RFWD3: variants seen among roughly 807,000 people sequenced by gnomAD.
RFWD3 encodes the protein ring finger and WD repeat domain 3.
Under a neutral mutation model 87.7 loss-of-function variants are expected in RFWD3, and 65 were observed. The ratio of observed to expected loss-of-function variants is 0.74; its 90% CI spans 0.61 to 0.91. RFWD3 has a LOEUF of 0.91. Among genes scored for constraint, RFWD3 ranks in the 40% least tolerant of loss-of-function variants. The pLI, the probability that RFWD3 is intolerant of heterozygous loss-of-function variation, is 0.00. For missense variants in RFWD3, 1,078 were observed against 938.5 expected, an observed-to-expected ratio of 1.15 and a Z score of -1.94; for synonymous variants, 433 against 352.8, an observed-to-expected ratio of 1.23 and a Z score of -2.55.
At chr16:74,645,975 C>G (rs1960108077) in intron 4 of RFWD3, among the ~76,000 whole-genome samples, 3 of 150,928 alleles carry the variant, frequency 2.0e-5, no homozygotes, top group South Asian at 4.2e-4. Context: ...GTCTCGATCT[C>G]CTGACCTCGC....
intron 2 of RFWD3, 58 bp downstream of exon 2, chr16:74,660,874 T>C: frequency 1.3e-6 from 2 of 1,534,048 alleles, no homozygotes; most frequent in South Asian, 1.3e-5. Context: ...TGGCAGAGCC[T>C]CAGTTTCATA....
At position 74,621,506 on chromosome 16, in the gene RFWD3, G is replaced by C. The variant is rs1958766476; in HGVS notation, c.*2422C>G. Reference sequence around the variant, plus strand: ...GGCCCTGTTTTCAAAGCAGGGGCAAGAATACATACAATGACAAGACATTTT... The same window carrying C: ...GGCCCTGTTTTCAAAGCAGGGGCAACAATACATACAATGACAAGACATTTT... On this transcript the variant is annotated 3_prime_UTR_variant, in exon 13 of 13. Coordinates refer to ENST00000361070, the MANE Select transcript of RFWD3 (RefSeq NM_018124.4). 1 of 152,070 alleles carries C rather than the reference G, an allele frequency of 6.6e-6. No homozygotes were observed. The highest frequency in any genetic ancestry group is 1.5e-5 in the Non-Finnish European group (1 of 68,022). The allele number at this position is 152,070 out of a possible 1,614,324, so 9.4% of individuals were successfully genotyped here. A position where few individuals can be genotyped will look rare whatever the true frequency, so the allele number is the denominator to read the frequency against.
At chr16:74,654,444 GAACTT>G (rs1960812057) in intron 2 of RFWD3, among the ~76,000 whole-genome samples, 1 of 152,148 alleles carries the variant, frequency 6.6e-6, no homozygotes, top group South Asian at 2.1e-4. Context: ...ATAAGATGGT[GAACTT>G]AATCAGTAAA....
At chr16:74,635,878 G>T (rs778085578) in intron 8 of RFWD3, among the ~76,000 whole-genome samples, 12 of 152,290 alleles carry the variant, frequency 7.9e-5, no homozygotes, top group Admixed American at 1.3e-4. Context: ...AAAACATGTT[G>T]AGAGAAAATT....
chr16:74,648,167 C>T (rs1445499062), intron 4 of RFWD3, among the ~76,000 whole-genome samples: 1 of 152,032 alleles, frequency 6.6e-6, no homozygotes, highest in African/African-American at 2.4e-5. Context: ...TGATACTTAA[C>T]CTTGTTGGCT....
At chr16:74,660,312 G>A (rs991104731) in intron 2 of RFWD3, among the ~76,000 whole-genome samples, 7 of 152,146 alleles carry the variant, frequency 4.6e-5, no homozygotes, top group African/African-American at 1.7e-4. Flanking sequence ...AATTAGTTAG[G>A]TGTGGTGGCA....
chr16:74,633,401 A>G (rs1959165552), intron 8 of RFWD3, among the ~76,000 whole-genome samples: 1 of 152,160 alleles, frequency 6.6e-6, no homozygotes, highest in Non-Finnish European at 1.5e-5. Flanking sequence ...AAATGGATAA[A>G]CAAACCTACT....
intron 6 of RFWD3, among the ~76,000 whole-genome samples, chr16:74,641,749 C>A (rs1211965015): frequency 6.6e-6 from 1 of 151,360 alleles, no homozygotes; most frequent in African/African-American, 2.4e-5. Context: ...ACGGTGAAAC[C>A]CTGTCTCTAC....
intron 1 of RFWD3, among the ~76,000 whole-genome samples, chr16:74,662,361 G>A (rs1486891191): frequency 6.6e-6 from 1 of 152,072 alleles, no homozygotes; most frequent in Admixed American, 6.6e-5. Flanking sequence ...TGAGGAAATG[G>A]GGGTTCAACT....
At chr16:74,636,319 T>C (rs573094807) in intron 8 of RFWD3, 27 bp downstream of exon 8, 6 of 1,591,614 alleles carry the variant, frequency 3.8e-6, no homozygotes, top group East Asian at 2.2e-5. Context: ...ATAAAGAACA[T>C]GAAAGCTGAG....
intron 6 of RFWD3, among the ~76,000 whole-genome samples, chr16:74,639,070 A>C: frequency 7.5e-6 from 1 of 133,286 alleles, no homozygotes; most frequent in African/African-American, 2.9e-5. Flanking sequence ...CCCGAGTCTC[A>C]CTCCATTGCC....
intron 6 of RFWD3, chr16:74,644,078 C>T (rs1009643186): frequency 1.7e-5 from 8 of 475,194 alleles, no homozygotes; most frequent in South Asian, 4.9e-5. Flanking sequence ...ACTGCTGTGG[C>T]GGGGGGTGGT....
At chr16:74,625,215 T>C (rs117340540) in intron 12 of RFWD3, among the ~76,000 whole-genome samples, 2,963 of 90,742 alleles carry the variant, frequency 0.033, 44 homozygotes, top group Middle Eastern at 0.058. Context: ...AAAAAAAAAG[T>C]AGAGAGGGAC....
chr16:74,661,571 A>G, intron 1 of RFWD3, 120 bp from the exon 2 acceptor site: 1 of 947,284 alleles, frequency 1.1e-6, no homozygotes, highest in Non-Finnish European at 1.6e-6. Context: ...CAAGACTGAG[A>G]AGCTTCAAGA....
intron 10 of RFWD3, among the ~76,000 whole-genome samples, chr16:74,629,016 G>C (rs1189657885): frequency 1.3e-5 from 2 of 152,066 alleles, no homozygotes; most frequent in Non-Finnish European, 2.9e-5. Flanking sequence ...AAGAAACAAA[G>C]CTTATATACA....
chr16:74,645,627 A>G (rs577914992), intron 4 of RFWD3, among the ~76,000 whole-genome samples: 15 of 152,086 alleles, frequency 9.9e-5, no homozygotes, highest in East Asian at 3.9e-4. Flanking sequence ...TGCTGGGATT[A>G]TAAGTGTGAG....
At chr16:74,661,529 C>A (rs755356392) in intron 1 of RFWD3, 78 bp from the exon 2 acceptor site, 2 of 1,275,958 alleles carry the variant, frequency 1.6e-6, no homozygotes, top group Non-Finnish European at 2.2e-6. Flanking sequence ...CATATTTAAT[C>A]TTTCTGATTT....
At chr16:74,663,981 A>G (rs1331977250) in intron 1 of RFWD3, among the ~76,000 whole-genome samples, 4 of 152,230 alleles carry the variant, frequency 2.6e-5, no homozygotes, top group African/African-American at 9.6e-5. Flanking sequence ...AACACAGAAC[A>G]AAGCCCTTCT....
chr16:74,633,223 G>A (rs1435045355), intron 8 of RFWD3, among the ~76,000 whole-genome samples: 1 of 141,170 alleles, frequency 7.1e-6, no homozygotes, highest in Non-Finnish European at 1.5e-5. Context: ...GTTGTAGTGA[G>A]ACAAGATTGC....
Sources: allele counts gnomAD v4.1 joint callset (sites outside exome capture counted in the v4.1 genomes callset), GRCh38; gene constraint gnomAD v4.1.1; transcripts MANE v1.5; gene names NCBI Gene and HGNC (gene_info 2026-07-23, HGNC 2026-07-21).